The following EIF4G3 variants were observed in gnomAD, a reference collection of about 807,000 sequenced individuals.
EIF4G3 encodes eIF-4-gamma 3.
Under a neutral mutation model 186.4 loss-of-function variants are expected in EIF4G3, and 34 were observed. The ratio of observed to expected loss-of-function variants is 0.18; its 90% CI spans 0.14 to 0.24. The LOEUF (loss-of-function observed/expected upper bound fraction) is 0.24. EIF4G3 is among the 10% of genes least tolerant of loss of function. The pLI, the probability that EIF4G3 is intolerant of heterozygous loss-of-function variation, is 1.00. For synonymous variants in EIF4G3, 673 were observed against 679.5 expected (o/e 0.99, Z 0.15); for missense variants, 1,536 against 1,948.5 (o/e 0.79, Z 3.99).
chr1:20,831,765 G>A (rs1233088132), intron 30 of EIF4G3, among the ~76,000 whole-genome samples: 45 of 53,504 alleles, frequency 8.4e-4, no homozygotes, highest in Admixed American at 7.9e-3. Context: ...CCCCTCCCCC[G>A]ACCCCACAAC....
intron 12 of EIF4G3, among the ~76,000 whole-genome samples, chr1:20,962,919 GTT>G (rs200757094): frequency 8.1e-6 from 1 of 123,804 alleles, no homozygotes; most frequent in Non-Finnish European, 1.8e-5. Context: ...TTTTTTTTTT[GTT>G]TTTTTTTTTT....
rs541402448 is a variant in EIF4G3 at position 20,952,126 on chromosome 1, T to C, written c.715-2015A>G. Among the ~76,000 whole-genome samples the C allele has an allele frequency of 5.3e-5, 8 of 151,250 alleles. No homozygotes were observed. In the South Asian group the frequency reaches 1.5e-3, roughly 28 times the overall value. On this transcript the variant is annotated intron_variant, in intron 12 of 36. Transcript: ENST00000602326. ...TAAGCCTCCAACAGTACTAATAAAA[T>C]CATAACGTATTAACATATAATTCAA...
intron 3 of EIF4G3, among the ~76,000 whole-genome samples, chr1:21,056,160 G>C (rs1342907366): frequency 6.6e-6 from 1 of 152,166 alleles, no homozygotes; most frequent in Non-Finnish European, 1.5e-5. Context: ...ACTCTAAATA[G>C]TTCTGCCAAA....
At chr1:20,894,138 T>C (rs1216110129) in intron 17 of EIF4G3, among the ~76,000 whole-genome samples, 2 of 152,170 alleles carry the variant, frequency 1.3e-5, no homozygotes, top group African/African-American at 4.8e-5. Flanking sequence ...TGATGATTCA[T>C]TTAAAATTTC....
At chr1:21,001,061 T>C in intron 6 of EIF4G3, 138 bp downstream of exon 6, 1 of 376,600 alleles carries the variant, frequency 2.7e-6, no homozygotes. Context: ...TGGCAGAAAC[T>C]GCCATGCTAG....
chr1:21,172,770 G>A (rs1433617802), intron 2 of EIF4G3, among the ~76,000 whole-genome samples: 1 of 147,634 alleles, frequency 6.8e-6, no homozygotes, highest in Non-Finnish European at 1.5e-5. Flanking sequence ...GGATGGTCTC[G>A]ATCTCCTGAT....
At chr1:20,952,154 CTTTTT>C (rs71014131) in intron 12 of EIF4G3, among the ~76,000 whole-genome samples, 7 of 114,502 alleles carry the variant, frequency 6.1e-5, no homozygotes, top group Non-Finnish European at 9.3e-5. Context: ...TAATTCAACA[CTTTTT>C]TTTTTTTTTT....
intron 3 of EIF4G3, among the ~76,000 whole-genome samples, chr1:21,073,474 G>T (rs557766134): frequency 3.5e-4 from 53 of 152,144 alleles, no homozygotes; most frequent in Non-Finnish European, 7.2e-4. Flanking sequence ...TTAAGGCCTT[G>T]GAGCTCTGCA....
intron 36 of EIF4G3, among the ~76,000 whole-genome samples, chr1:20,808,872 C>T (rs1357129392): frequency 6.6e-6 from 1 of 151,946 alleles, no homozygotes; most frequent in Non-Finnish European, 1.5e-5. Flanking sequence ...AAGTTATTAG[C>T]TTATAGTTAT....
intron 4 of EIF4G3, among the ~76,000 whole-genome samples, chr1:21,023,492 G>A (rs1293286293): frequency 1.3e-5 from 2 of 151,978 alleles, no homozygotes; most frequent in Non-Finnish European, 2.9e-5. Context: ...GCCCCTAACC[G>A]CGAGTGATCC....
chr1:21,139,582 T>C (rs1202812920), intron 2 of EIF4G3, among the ~76,000 whole-genome samples: 1 of 152,250 alleles, frequency 6.6e-6, no homozygotes. Context: ...ATATCCTTTA[T>C]ATTATATGCA....
At chr1:20,887,617 G>A (rs1160854794) in intron 18 of EIF4G3, among the ~76,000 whole-genome samples, 1 of 150,566 alleles carries the variant, frequency 6.6e-6, no homozygotes, top group Non-Finnish European at 1.5e-5. Context: ...TAAGGATACA[G>A]TACTGATGAT....
intron 2 of EIF4G3, among the ~76,000 whole-genome samples, chr1:21,101,418 A>G (rs1366380843): frequency 6.6e-6 from 1 of 151,954 alleles, no homozygotes; most frequent in African/African-American, 2.4e-5. Context: ...AAAATACAAA[A>G]GTTAGCCAGA....
chr1:20,869,774 CA>C (rs35907806), intron 20 of EIF4G3, among the ~76,000 whole-genome samples: 3,450 of 48,716 alleles, frequency 0.071, 30 homozygotes, highest in African/African-American at 0.13. Context: ...GACTACGTCT[CA>C]AAAAAAAAAA....
At chr1:20,809,700 T>C (rs1241305023) in intron 36 of EIF4G3, among the ~76,000 whole-genome samples, 2 of 152,250 alleles carry the variant, frequency 1.3e-5, no homozygotes, top group East Asian at 3.8e-4. Flanking sequence ...TCATTAACCA[T>C]TTTCATGCCC....
intron 7 of EIF4G3, among the ~76,000 whole-genome samples, chr1:20,995,427 C>T (rs2082078396): frequency 6.6e-6 from 1 of 152,086 alleles, no homozygotes; most frequent in Non-Finnish European, 1.5e-5. Flanking sequence ...GGCTGGAGTG[C>T]AGTGGTGTGA....
At chr1:20,919,103 T>G (rs1429750627) in intron 14 of EIF4G3, among the ~76,000 whole-genome samples, 1 of 152,248 alleles carries the variant, frequency 6.6e-6, no homozygotes, top group African/African-American at 2.4e-5. Flanking sequence ...CAATCTTTTA[T>G]TAGATGCTTT....
At chr1:21,173,008 G>A (rs1014286069) in intron 2 of EIF4G3, among the ~76,000 whole-genome samples, 14 of 150,874 alleles carry the variant, frequency 9.3e-5, no homozygotes, top group Admixed American at 7.2e-4. Flanking sequence ...GCATGGTGGC[G>A]CACACCTGTA....
chr1:21,051,663 G>A (rs1424163772), intron 3 of EIF4G3, among the ~76,000 whole-genome samples: 2 of 152,108 alleles, frequency 1.3e-5, no homozygotes, highest in African/African-American at 4.8e-5. Flanking sequence ...ACCAGCCTGT[G>A]CAACATAGCA....
Sources: allele counts gnomAD v4.1 joint callset (sites outside exome capture counted in the v4.1 genomes callset), GRCh38; gene constraint gnomAD v4.1.1; transcripts MANE v1.5; gene names NCBI Gene and HGNC (gene_info 2026-07-23, HGNC 2026-07-21).